SPTBN1: variants seen among roughly 807,000 people sequenced by gnomAD.
SPTBN1 encodes the protein spectrin beta, non-erythrocytic 1.
SPTBN1 carries 32 observed loss-of-function variants against 266.4 expected under a neutral mutation model. The ratio of observed to expected loss-of-function variants is 0.12; its 90% CI spans 0.09 to 0.16. SPTBN1 has a LOEUF of 0.16. SPTBN1 is among the 10% of genes least tolerant of loss of function. The pLI, the probability that SPTBN1 is intolerant of heterozygous loss-of-function variation, is 1.00. For synonymous variants in SPTBN1, 1,336 were observed against 1,162.2 expected (o/e 1.15, Z -3.04); for missense variants, 2,296 against 3,067.1 (o/e 0.75, Z 5.94).
Position 54,626,168 on chromosome 2 carries a change from G to A in SPTBN1, c.1578G>A (p.Met526Ile). The change falls in exon 12 of 36, where the codon ATG becomes ATA. Residue 526 changes from methionine to isoleucine, a missense_variant. Physicochemically the swap from Met to Ile is conservative, Grantham distance 10. Coordinates refer to ENST00000356805, the MANE Select transcript of SPTBN1 (RefSeq NM_003128.3). The surrounding 1 kb of genome is among the most constrained non-coding windows in gnomAD (Gnocchi z 4.7). ...LLRARRQRLE[M>I]NLGLQKIFQE... is the part of the protein sequence containing the mutation. ...GGGCCCGGAGACAGCGGCTCGAGATGAACCTGGGGCTGCAGAAGATATTCC... is the reference window on the plus strand; with the variant it reads ...GGGCCCGGAGACAGCGGCTCGAGATAAACCTGGGGCTGCAGAAGATATTCC... The A allele has an allele frequency of 6.2e-7, 1 of 1,614,196 alleles. No homozygotes were observed. The highest frequency in any genetic ancestry group is 8.5e-7 in the Non-Finnish European group (1 of 1,180,038).
intron 3 of SPTBN1, among the ~76,000 whole-genome samples, chr2:54,605,055 A>C (rs1454614605): frequency 6.6e-5 from 10 of 152,182 alleles, no homozygotes; most frequent in Non-Finnish European, 1.5e-5. Flanking sequence ...TAATGGAGGC[A>C]AGACAGAGGA....
chr2:54,464,937 C>G (rs1340589573), intron 1 of SPTBN1, among the ~76,000 whole-genome samples: 1 of 152,202 alleles, frequency 6.6e-6, no homozygotes, highest in African/African-American at 2.4e-5. Flanking sequence ...AGTGATCTGC[C>G]TGCCTTGGCC....
chr2:54,632,696 G>C lies in SPTBN1; in HGVS notation c.3695G>C (p.Gly1232Ala). The change falls in exon 17 of 36, where the codon GGC becomes GCC. Residue 1232 changes from glycine (G) to alanine (A), a missense_variant. By Grantham distance (60) the Gly-to-Ala change is moderately conservative. This residue lies in a region of SPTBN1 where 386 missense variants were observed against 486.1 expected (regional missense o/e 0.79). Coordinates refer to ENST00000356805, the MANE Select transcript of SPTBN1 (RefSeq NM_003128.3). ...AAGATCAATGCTGTGGTGGAGACTG[G>C]CCGGAGGCTGGTGAGCGATGGGAAC... is the stretch of plus-strand genomic sequence containing the variant. ...EEKINAVVET[G>A]RRLVSDGNIN... The C allele has an allele frequency of 6.2e-7, 1 of 1,614,222 alleles. No homozygotes were observed. Among genetic ancestry groups the C allele is most frequent in the Non-Finnish European group, 8.5e-7 (1 of 1,180,044 alleles).
At chr2:54,597,342 A>G (rs538986062) in intron 2 of SPTBN1, among the ~76,000 whole-genome samples, 34 of 152,340 alleles carry the variant, frequency 2.2e-4, no homozygotes, top group Non-Finnish European at 4.0e-4. Flanking sequence ...TACGTGATCA[A>G]TAATGCATGT....
At chr2:54,574,631 C>G (rs1183375812) in intron 2 of SPTBN1, among the ~76,000 whole-genome samples, 2 of 152,150 alleles carry the variant, frequency 1.3e-5, no homozygotes, top group Non-Finnish European at 2.9e-5. Flanking sequence ...TCACAGGGTG[C>G]AGGCCTGTGT....
At chr2:54,500,377 T>A (rs1336540589) in intron 1 of SPTBN1, among the ~76,000 whole-genome samples, 1 of 152,014 alleles carries the variant, frequency 6.6e-6, no homozygotes, top group East Asian at 1.9e-4. Context: ...TCCCTTTCTT[T>A]GAGAGATTTG....
intron 18 of SPTBN1, among the ~76,000 whole-genome samples, chr2:54,641,767 G>C (rs1679582633): frequency 6.6e-6 from 1 of 150,778 alleles, no homozygotes. Context: ...GGGCTCCTGT[G>C]ACCCACGTCG....
rs759318764 is a variant in SPTBN1 at position 54,626,825 on chromosome 2, C to A, written c.1644+591C>A. On this transcript the variant is annotated intron_variant, in intron 12 of 35. Coordinates refer to ENST00000356805, the MANE Select transcript of SPTBN1 (RefSeq NM_003128.3). The surrounding 1 kb of genome is among the most constrained non-coding windows in gnomAD (Gnocchi z 4.7). ...ACAGATCATGGGATGGGCTGGATGG[C>A]AGTGGCTGGTCATGCCATTTATTGA... 2.6e-5 allele frequency among the ~76,000 whole-genome samples: 4 copies of A among 152,202 alleles called. No individual in the cohort carries two copies.
rs556628183 is a variant in SPTBN1 at position 54,658,315 on chromosome 2, C to A, written c.6243+269C>A. Among the ~76,000 whole-genome samples, 263 of 152,176 alleles carry A rather than the reference C, an allele frequency of 1.7e-3. 1 individual carries two copies. The highest frequency in any genetic ancestry group is 3.3e-3 in the Non-Finnish European group (222 of 68,010). ...CCTGGGGGTTGATTGGTGGTGTTTG[C>A]TTTTTTCTTCGAATCTTTCATTCTC... On this transcript the variant is annotated intron_variant, in intron 30 of 35. Coordinates refer to ENST00000356805, the MANE Select transcript of SPTBN1 (RefSeq NM_003128.3).
intron 1 of SPTBN1, among the ~76,000 whole-genome samples, chr2:54,475,379 C>T (rs373983880): frequency 4.6e-5 from 7 of 152,118 alleles, no homozygotes; most frequent in African/African-American, 1.4e-4. Context: ...CTGGATTAAA[C>T]CACATTATCT....
At chr2:54,642,464 G>A (rs1292430348) in intron 18 of SPTBN1, among the ~76,000 whole-genome samples, 1 of 151,440 alleles carries the variant, frequency 6.6e-6, no homozygotes, top group African/African-American at 2.4e-5. Flanking sequence ...CAGTGAGCAA[G>A]TTATTTATGC....
At chr2:54,607,258 A>T (rs1165974838) in intron 3 of SPTBN1, among the ~76,000 whole-genome samples, 2 of 152,396 alleles carry the variant, frequency 1.3e-5, no homozygotes, top group South Asian at 4.1e-4. Context: ...ACAATTTTTT[A>T]AAAATACAGT....
At chr2:54,592,637 C>G (rs911983345) in intron 2 of SPTBN1, among the ~76,000 whole-genome samples, 3 of 152,232 alleles carry the variant, frequency 2.0e-5, no homozygotes, top group Non-Finnish European at 4.4e-5. Context: ...TTCCACCTGC[C>G]TTGGCCTCCC....
In SPTBN1 at chr2:54,653,310, G is replaced by GAT. The variant is rs1447886338; in HGVS notation, c.5578-296_5578-295dup. On this transcript the variant is annotated intron_variant, in intron 26 of 35. Coordinates refer to ENST00000356805, the MANE Select transcript of SPTBN1 (RefSeq NM_003128.3). This position sits in a 1 kb window ranked among gnomAD's most constrained non-coding sequence, Gnocchi z 5.1. ...ACTGTATCTGAATATGTCCCACTCA[G>GAT]ATATCCCAGGCTGCCTCCAGGGGAC... 1.5e-5 allele frequency: 5 copies of GAT among 325,094 alleles called. No individual in the cohort carries two copies. The highest frequency in any genetic ancestry group is 2.8e-5 in the Non-Finnish European group (5 of 178,898). The allele number at this position is 325,094 out of a possible 1,614,324, so 20.1% of individuals were successfully genotyped here.
At chr2:54,590,678 AG>A (rs1389094247) in intron 2 of SPTBN1, among the ~76,000 whole-genome samples, 6 of 152,266 alleles carry the variant, frequency 3.9e-5, no homozygotes, top group South Asian at 4.1e-4. Flanking sequence ...GAAGAATGAT[AG>A]AAGCAAAGAT....
At chr2:54,525,411 A>G (rs1242063833) in intron 1 of SPTBN1, among the ~76,000 whole-genome samples, 3 of 152,104 alleles carry the variant, frequency 2.0e-5, no homozygotes, top group South Asian at 2.1e-4. Context: ...ACGCCCAGCT[A>G]ATTTTTTATT....
intron 1 of SPTBN1, among the ~76,000 whole-genome samples, chr2:54,492,456 C>G (rs904876752): frequency 6.7e-6 from 1 of 148,998 alleles, no homozygotes; most frequent in African/African-American, 2.5e-5. Context: ...AGTGGATTTG[C>G]TGGGTCTGAG....
chr2:54,532,218 G>T (rs1157608427), intron 2 of SPTBN1, among the ~76,000 whole-genome samples: 1 of 152,118 alleles, frequency 6.6e-6, no homozygotes, highest in East Asian at 1.9e-4. Context: ...GAACCTGGGA[G>T]GCGGAGGTTG....
chr2:54,521,339 T>C (rs1462179699), intron 1 of SPTBN1, among the ~76,000 whole-genome samples: 1 of 152,174 alleles, frequency 6.6e-6, no homozygotes, highest in African/African-American at 2.4e-5. Context: ...GAGCGAGGGA[T>C]GTTTTGCCGT....
Sources: allele counts gnomAD v4.1 joint callset (sites outside exome capture counted in the v4.1 genomes callset), GRCh38; gene constraint gnomAD v4.1.1; regional missense constraint gnomAD v4.1.1; non-coding constraint Gnocchi (gnomAD v3.1); transcripts MANE v1.5; gene names NCBI Gene and HGNC (gene_info 2026-07-23, HGNC 2026-07-21).